The following SAXO1 variants were observed in gnomAD, a reference collection of about 807,000 sequenced individuals.
SAXO1 encodes the protein 4930500O09Rik.
SAXO1 carries 21 observed loss-of-function variants against 17.5 expected under a neutral mutation model. The ratio of observed to expected loss-of-function variants is 1.20; its 90% CI spans 0.85 to 1.72. The LOEUF is 1.72. Ranked by LOEUF, SAXO1 falls within the 40% of genes most tolerant of loss-of-function variation. The pLI, the probability that SAXO1 is intolerant of heterozygous loss-of-function variation, is 0.00. For synonymous variants in SAXO1, 274 were observed against 216.5 expected, an observed-to-expected ratio of 1.27 and a Z score of -2.33; for missense variants, 843 against 596.0, an observed-to-expected ratio of 1.41 and a Z score of -4.32.
intron 1 of SAXO1, among the ~76,000 whole-genome samples, chr9:18,963,462 G>A (rs138707196): frequency 1.7e-3 from 256 of 152,188 alleles, no homozygotes; most frequent in Non-Finnish European, 2.8e-3. Flanking sequence ...CACTTGTTGT[G>A]TCCTCTATTT....
chr9:19,036,382 G>A (rs1309890006), upstream of SAXO1, among the ~76,000 whole-genome samples: 1 of 152,132 alleles, frequency 6.6e-6, no homozygotes, highest in Non-Finnish European at 1.5e-5. Flanking sequence ...CCAAGACAAT[G>A]GGGAAAATGT....
intron 3 of SAXO1, among the ~76,000 whole-genome samples, chr9:18,931,749 A>G (rs1831059326): frequency 6.6e-6 from 1 of 152,192 alleles, no homozygotes; most frequent in African/African-American, 2.4e-5. Context: ...TTGCAGTGTC[A>G]TTTACATTTC....
intron 3 of SAXO1, among the ~76,000 whole-genome samples, chr9:18,934,720 C>G (rs1831214411): frequency 6.6e-6 from 1 of 152,142 alleles, no homozygotes. Context: ...TCATACTTCC[C>G]TTTTTCACAT....
At chr9:19,000,092 C>T (rs1485857067) in intron 1 of SAXO1, among the ~76,000 whole-genome samples, 1 of 149,760 alleles carries the variant, frequency 6.7e-6, no homozygotes, top group African/African-American at 2.5e-5. Flanking sequence ...ACCCAGCCGC[C>T]CCACCATCTG....
rs182955988 is a variant in SAXO1 at position 19,031,781 on chromosome 9, C to G, written c.38+1090G>C. On this transcript the variant is annotated intron_variant, in intron 1 of 3. Transcript: ENST00000380534. Reference sequence around the variant, plus strand: ...GAGAGTATCAATTCAACGGCCTGAGCAACTGATAGTTTTCAAACTCCCTGT... The same window carrying G: ...GAGAGTATCAATTCAACGGCCTGAGGAACTGATAGTTTTCAAACTCCCTGT... Among the ~76,000 whole-genome samples the G allele has an allele frequency of 3.0e-4, 46 of 152,260 alleles. 1 individual carries two copies. The highest frequency in any genetic ancestry group is 3.9e-4 in the Admixed American group (6 of 15,290).
intron 3 of SAXO1, among the ~76,000 whole-genome samples, chr9:18,933,322 C>T (rs1007978379): frequency 1.3e-5 from 2 of 152,070 alleles, no homozygotes; most frequent in African/African-American, 4.8e-5. Context: ...AATTGATTTT[C>T]TGATGTTACA....
At chr9:19,040,390 A>G (rs1836049806) in intron 1 of SAXO1, among the ~76,000 whole-genome samples, 1 of 152,136 alleles carries the variant, frequency 6.6e-6, no homozygotes, top group Non-Finnish European at 1.5e-5. Flanking sequence ...AGGGCTGAGC[A>G]CAGTGTCTCT....
In SAXO1 at chr9:18,941,773, A is replaced by C. The variant is rs765665750; in HGVS notation, c.285T>G (p.Ser95Arg). 5.6e-6 allele frequency: 9 copies of C among 1,613,896 alleles called. No individual in the cohort carries two copies. The Admixed American group carries it at 6.7e-5, about 12-fold the overall frequency. ...KVHQYDQFVP[S>R]EENMDLLTTY... ...TCGTGAGCAAATCCATATTCTCTTC[A>C]CTCGGGACGAACTGGTCATACTGGT... The change falls in exon 3 of 4, where the codon AGT (serine) becomes AGG (arginine). Residue 95 changes from serine (S) to arginine (R), a missense_variant. Transcript: ENST00000380534.
intron 1 of SAXO1, among the ~76,000 whole-genome samples, chr9:19,023,180 C>T (rs1835321048): frequency 7.6e-6 from 1 of 132,418 alleles, no homozygotes; most frequent in South Asian, 2.8e-4. Context: ...TAATTCTCTG[C>T]AGGGCATTTT....
chr9:18,951,349 A>G (rs1310293133), intron 1 of SAXO1, among the ~76,000 whole-genome samples: 1 of 152,160 alleles, frequency 6.6e-6, no homozygotes, highest in South Asian at 2.1e-4. Context: ...GGGTGCTCCA[A>G]GGCTCTCCAA....
intron 1 of SAXO1, among the ~76,000 whole-genome samples, chr9:18,977,634 A>T (rs960983699): frequency 6.6e-6 from 1 of 152,186 alleles, no homozygotes; most frequent in African/African-American, 2.4e-5. Context: ...CTTGAACTTC[A>T]GGGGACCCAT....
Position 18,992,999 on chromosome 9 carries a change from C to T in SAXO1, c.38+39872G>A, listed in dbSNP as rs557813468. Among the ~76,000 whole-genome samples, 21 of 152,182 alleles carry T rather than the reference C, an allele frequency of 1.4e-4. No individual in the cohort carries two copies. In the South Asian group the frequency reaches 4.4e-3, roughly 32 times the overall value. ...ATTTTTAGTAGAGACAGGGTTTCTCCATGTTGGTCAGGCTGGTCTTGAACT... is the reference window on the plus strand; with the variant it reads ...ATTTTTAGTAGAGACAGGGTTTCTCTATGTTGGTCAGGCTGGTCTTGAACT... On this transcript the variant is annotated intron_variant, in intron 1 of 3. Transcript: ENST00000380534.
At chr9:18,971,555 C>G (rs900675644) in intron 1 of SAXO1, among the ~76,000 whole-genome samples, 1 of 152,112 alleles carries the variant, frequency 6.6e-6, no homozygotes, top group African/African-American at 2.4e-5. Context: ...TTTCAACAAG[C>G]ATGTGATTCT....
rs1434375410 is a variant in SAXO1, at chr9:18,965,023, C to T, written c.39-14086G>A. On this transcript the variant is annotated intron_variant, in intron 1 of 3. Coordinates refer to ENST00000380534, the MANE Select transcript of SAXO1 (RefSeq NM_153707.4). ...TTAACTTCGTTATTTACCCAGTAGA[C>T]ATTCAGGAGCAGGTTGTTCAGTTTC... Among the ~76,000 whole-genome samples, 5 of 152,314 alleles carry T rather than the reference C, an allele frequency of 3.3e-5. No individual in the cohort carries two copies. In the East Asian group the frequency reaches 9.6e-4, roughly 29 times the overall value.
chr9:18,948,009 G>T (rs1205047545), intron 2 of SAXO1, among the ~76,000 whole-genome samples: 1 of 152,118 alleles, frequency 6.6e-6, no homozygotes, highest in Admixed American at 6.6e-5. Context: ...AACTAAGCAG[G>T]GTCACTGTTT....
chr9:18,989,361 G>T (rs764103118), intron 1 of SAXO1, among the ~76,000 whole-genome samples: 1 of 152,100 alleles, frequency 6.6e-6, no homozygotes, highest in East Asian at 1.9e-4. Context: ...TATTAATACT[G>T]TCTGCATTGA....
At chr9:18,957,292 C>T (rs186029426) in intron 1 of SAXO1, among the ~76,000 whole-genome samples, 13 of 152,220 alleles carry the variant, frequency 8.5e-5, no homozygotes, top group African/African-American at 2.4e-4. Context: ...AAAGCAATAA[C>T]GGTAATAATC....
chr9:19,017,906 G>A (rs765306983), intron 1 of SAXO1, among the ~76,000 whole-genome samples: 11 of 152,170 alleles, frequency 7.2e-5, no homozygotes, highest in African/African-American at 1.2e-4. Context: ...AGTGGCTCAC[G>A]CTTGTAATCC....
intron 1 of SAXO1, among the ~76,000 whole-genome samples, chr9:19,039,856 G>C (rs1416407330): frequency 6.6e-6 from 1 of 152,120 alleles, no homozygotes; most frequent in Admixed American, 6.5e-5. Context: ...AGCCTCCCCA[G>C]TAGGTGGGAT....
Sources: allele counts gnomAD v4.1 joint callset (sites outside exome capture counted in the v4.1 genomes callset), GRCh38; gene constraint gnomAD v4.1.1; transcripts MANE v1.5; gene names NCBI Gene and HGNC (gene_info 2026-07-23, HGNC 2026-07-21).